Variants in CFAP251 observed in about 807,000 individuals in gnomAD.
CFAP251 encodes the protein cilia- and flagella-associated protein 251.
CFAP251 carries 93 observed loss-of-function variants against 126.7 expected under a neutral mutation model. That is an observed-to-expected ratio of 0.73 (90% confidence interval 0.62 to 0.87). The LOEUF is 0.87. CFAP251 is among the 40% of genes least tolerant of loss of function. The pLI is 0.00. For missense variants in CFAP251, 1,287 were observed against 1,389.2 expected (o/e 0.93, Z 1.17); for synonymous variants, 503 against 506.9 (o/e 0.99, Z 0.10).
chr12:121,980,433 G>A (rs1882592954), intron 19 of CFAP251, among the ~76,000 whole-genome samples: 1 of 147,248 alleles, frequency 6.8e-6, no homozygotes, highest in Admixed American at 6.8e-5. Flanking sequence ...TTTGGAGACA[G>A]GGTCTCACTG....
At chr12:121,992,173 A>G in intron 19 of CFAP251, 1 of 984,408 alleles carries the variant, frequency 1.0e-6, no homozygotes, top group Non-Finnish European at 1.2e-6. Context: ...CTCTCAAGCC[A>G]TCTTCACACG....
intron 7 of CFAP251, among the ~76,000 whole-genome samples, chr12:121,947,381 A>G (rs756964552): frequency 3.3e-5 from 5 of 152,038 alleles, no homozygotes; most frequent in East Asian, 1.9e-4. Context: ...AATAACCCCA[A>G]TGCTCGGATC....
chr12:121,946,732 C>G (rs1252664187), intron 7 of CFAP251, among the ~76,000 whole-genome samples: 2 of 151,840 alleles, frequency 1.3e-5, no homozygotes, highest in Non-Finnish European at 2.9e-5. Context: ...CAGGTGGCAC[C>G]ATCACACCTG....
intron 9 of CFAP251, chr12:121,952,781 A>G (rs948799195): frequency 1.3e-5 from 2 of 152,152 alleles, no homozygotes; most frequent in Non-Finnish European, 2.9e-5. Context: ...AAAAAATAAA[A>G]AGTTGAGATG....
At position 121,966,997 on chromosome 12, in the gene CFAP251, G is replaced by A. The variant is rs1423075723; in HGVS notation, c.2535G>A (p.Gln845=). ...LGPAYGSPIE[Q]TQVLPVRSMA... Reference sequence around the variant, plus strand: ...CAGCTTATGGTTCCCCTATTGAGCAGACACAAGTCCTCCCAGTGAGAAGCA... The same window carrying A: ...CAGCTTATGGTTCCCCTATTGAGCAAACACAAGTCCTCCCAGTGAGAAGCA... Residue 845 remains glutamine, a synonymous_variant, in exon 16 of 22, where the codon CAG becomes CAA. Coordinates refer to ENST00000288912, the MANE Select transcript of CFAP251 (RefSeq NM_144668.6). The A allele has an allele frequency of 1.9e-6, 3 of 1,614,224 alleles. No individual in the cohort carries two copies. Among genetic ancestry groups the A allele is most frequent in the East Asian group, 2.2e-5 (1 of 44,896 alleles).
chr12:121,924,085 G>C (rs927649239), intron 3 of CFAP251, 95 bp downstream of exon 3: 7 of 1,380,924 alleles, frequency 5.1e-6, no homozygotes, highest in African/African-American at 1.5e-5. Flanking sequence ...AATACCACCA[G>C]AAGGATACTT....
At chr12:121,965,807 C>CCTT (rs150489611) in intron 15 of CFAP251, among the ~76,000 whole-genome samples, 1,306 of 116,340 alleles carry the variant, frequency 0.011, 129 homozygotes, top group East Asian at 0.053. Flanking sequence ...TAGATTTTCT[C>CCTT]CTTCTTCTTC....
intron 1 of CFAP251, among the ~76,000 whole-genome samples, chr12:121,921,037 C>T (rs988305652): frequency 4.1e-5 from 6 of 147,486 alleles, no homozygotes; most frequent in African/African-American, 1.3e-4. Flanking sequence ...TTAGTAGAAA[C>T]GGGGTTTCAT....
At chr12:121,976,746 A>C (rs2092229793) in intron 19 of CFAP251, among the ~76,000 whole-genome samples, 1 of 151,984 alleles carries the variant, frequency 6.6e-6, no homozygotes, top group African/African-American at 2.4e-5. Flanking sequence ...ATCTATACCC[A>C]TCCCCCCCAA....
chr12:121,966,280 C>T (rs1189983857), intron 15 of CFAP251, among the ~76,000 whole-genome samples: 1 of 102,770 alleles, frequency 9.7e-6, no homozygotes, highest in Admixed American at 1.0e-4. Context: ...TTCTTCCTTT[C>T]GATGGAGTCT....
chr12:121,941,051 G>T (rs1881091271), intron 5 of CFAP251, among the ~76,000 whole-genome samples: 1 of 150,672 alleles, frequency 6.6e-6, no homozygotes. Flanking sequence ...TTTTTTTTGA[G>T]ATGGAGTTTC....
At chr12:121,933,774 G>T (rs1364267055) in intron 4 of CFAP251, 1 of 153,348 alleles carries the variant, frequency 6.5e-6, no homozygotes, top group Admixed American at 6.5e-5. Context: ...AGCCAAGATT[G>T]TGTTGATGCA....
At chr12:121,959,935 G>A (rs1411940069) in intron 13 of CFAP251, among the ~76,000 whole-genome samples, 1 of 151,606 alleles carries the variant, frequency 6.6e-6, no homozygotes, top group East Asian at 2.0e-4. Context: ...ACCAGCCTGG[G>A]CAACATGGTG....
chr12:122,000,118 G>C (rs1883114297), intron 20 of CFAP251, among the ~76,000 whole-genome samples, 174 bp downstream of exon 20: 1 of 152,228 alleles, frequency 6.6e-6, no homozygotes, highest in Admixed American at 6.5e-5. Context: ...CAAGTACGAA[G>C]TAATGGGAGG....
chr12:121,967,971 T>G (rs769489599), intron 16 of CFAP251, 35 bp from the exon 17 acceptor site: 1 of 1,574,446 alleles, frequency 6.4e-7, no homozygotes, highest in Non-Finnish European at 8.7e-7. Flanking sequence ...CCCAGCTACC[T>G]GAGTCTGAAT....
chr12:121,940,191 A>T (rs757016327), intron 5 of CFAP251, among the ~76,000 whole-genome samples: 1 of 152,240 alleles, frequency 6.6e-6, no homozygotes, highest in Non-Finnish European at 1.5e-5. Flanking sequence ...TCACTTAAAC[A>T]TTACAAATTC....
intron 19 of CFAP251, among the ~76,000 whole-genome samples, chr12:121,979,606 G>A (rs527982676): frequency 2.5e-5 from 3 of 120,318 alleles, no homozygotes; most frequent in South Asian, 2.7e-4. Flanking sequence ...GCTCTGTCAC[G>A]CAGGCTGGAG....
At chr12:121,962,220 C>T in intron 15 of CFAP251, 58 bp downstream of exon 15, 1 of 1,539,006 alleles carries the variant, frequency 6.5e-7, no homozygotes, top group Non-Finnish European at 8.9e-7. Flanking sequence ...TGCCCCCAAC[C>T]TGTTTCAGGT....
intron 3 of CFAP251, among the ~76,000 whole-genome samples, chr12:121,928,689 C>T (rs988436096): frequency 2.4e-4 from 5 of 20,702 alleles, no homozygotes; most frequent in East Asian, 1.7e-3. Context: ...TATATATATA[C>T]GTATATATAT....
Sources: allele counts gnomAD v4.1 joint callset (sites outside exome capture counted in the v4.1 genomes callset), GRCh38; gene constraint gnomAD v4.1.1; transcripts MANE v1.5; gene names NCBI Gene and HGNC (gene_info 2026-07-23, HGNC 2026-07-21).